RANBP3L: variants seen among roughly 807,000 people sequenced by gnomAD.
RANBP3L encodes ran-binding protein 3-like.
A neutral mutation model predicts 67.2 loss-of-function variants in RANBP3L; 56 were observed. The ratio of observed to expected loss-of-function variants is 0.83; its 90% CI spans 0.67 to 1.04. The LOEUF (loss-of-function observed/expected upper bound fraction) is 1.04, where lower values mean the gene tolerates loss of function less well. RANBP3L is among the 50% of genes least tolerant of loss of function. The pLI is 0.00. For synonymous variants in RANBP3L, 164 were observed against 181.4 expected (o/e 0.90, Z 0.77); for missense variants, 496 against 535.5 (o/e 0.93, Z 0.73).
chr5:36,256,676 G>A, intron 10 of RANBP3L: 1 of 403,478 alleles, frequency 2.5e-6, no homozygotes, highest in East Asian at 3.6e-5. Flanking sequence ...TATTAAAGCA[G>A]GATACTTGGC....
chr5:36,279,438 C>T (rs1750822452), intron 1 of RANBP3L, among the ~76,000 whole-genome samples: 1 of 152,102 alleles, frequency 6.6e-6, no homozygotes, highest in Non-Finnish European at 1.5e-5. Flanking sequence ...CACAGCATGA[C>T]ATTACTAACT....
intron 1 of RANBP3L, among the ~76,000 whole-genome samples, chr5:36,272,127 GA>G (rs76755106): frequency 0.34 from 50,708 of 148,270 alleles, 9,326 homozygotes; most frequent in South Asian, 0.49. Context: ...TTCCTCATCT[GA>G]AAAAAAAAAA....
intron 11 of RANBP3L, among the ~76,000 whole-genome samples, chr5:36,254,048 C>T (rs543254091): frequency 2.6e-5 from 4 of 152,154 alleles, no homozygotes; most frequent in Non-Finnish European, 5.9e-5. Context: ...CTTTTAAGAA[C>T]TGATGGTCTG....
chr5:36,260,814 A>C lies in RANBP3L; in HGVS notation c.635T>G (p.Phe212Cys). The part of the protein sequence containing the change: ...KCSFKSCSSN[F>C]VFGENMVERV... ...TTCTACCATGTTTTCTCCAAAAACAAAATTGGAACTGCAGCTTTTAAAAGA... is the reference window on the plus strand; with the variant it reads ...TTCTACCATGTTTTCTCCAAAAACACAATTGGAACTGCAGCTTTTAAAAGA... Residue 212 changes from phenylalanine (F) to cysteine (C), a missense_variant, in exon 8 of 14, where the codon TTT becomes TGT. Physicochemically the swap from Phe to Cys is radical, Grantham distance 205 (BLOSUM62 -2). Coordinates refer to ENST00000296604, the MANE Select transcript of RANBP3L (RefSeq NM_145000.5). 6.4e-7 allele frequency: 1 copy of C among 1,566,220 alleles called. No individual in the cohort carries two copies. The highest frequency in any genetic ancestry group is 1.4e-5 in the African/African-American group (1 of 73,894).
At position 36,271,102 on chromosome 5, in the gene RANBP3L, T is replaced by C. The variant is rs539317998; in HGVS notation, c.150+151A>G. 7.4e-5 allele frequency: 45 copies of C among 608,836 alleles called. 1 individual carries two copies. The African/African-American group carries it at 7.8e-4, about 11-fold the overall frequency. The allele number at this position is 608,836 out of a possible 1,614,324, so 37.7% of individuals were successfully genotyped here. ...TTCCAGCCAAACTGAAGTTTGTAAA[T>C]CCTGACTATATAAATAATCTGGAGG... On this transcript the variant is annotated intron_variant, in intron 2 of 13. Coordinates refer to ENST00000296604, the MANE Select transcript of RANBP3L (RefSeq NM_145000.5).
intron 1 of RANBP3L, among the ~76,000 whole-genome samples, chr5:36,295,849 CA>C (rs1752175996): frequency 6.6e-6 from 1 of 151,958 alleles, no homozygotes; most frequent in Admixed American, 6.6e-5. Context: ...GCTGTCACAT[CA>C]AAAAGCCCAA....
At chr5:36,285,292 C>G (rs1308264491) in intron 1 of RANBP3L, among the ~76,000 whole-genome samples, 1 of 152,148 alleles carries the variant, frequency 6.6e-6, no homozygotes, top group Non-Finnish European at 1.5e-5. Context: ...CTCAGAATCT[C>G]AGTTTTGAAA....
intron 12 of RANBP3L, among the ~76,000 whole-genome samples, chr5:36,252,440 C>T (rs897548144): frequency 7.2e-5 from 11 of 152,078 alleles, no homozygotes; most frequent in Admixed American, 1.3e-4. Flanking sequence ...TTAATCTCAG[C>T]AGCTTTTCTA....
chr5:36,270,651 T>A (rs1750139554), intron 2 of RANBP3L, among the ~76,000 whole-genome samples: 1 of 152,252 alleles, frequency 6.6e-6, no homozygotes, highest in East Asian at 1.9e-4. Flanking sequence ...CATGCCACCA[T>A]GCCTGACTAA....
intron 1 of RANBP3L, among the ~76,000 whole-genome samples, chr5:36,281,560 C>A (rs900270446): frequency 6.6e-6 from 1 of 152,092 alleles, no homozygotes; most frequent in Admixed American, 6.6e-5. Flanking sequence ...AGGTGACATG[C>A]CTGGGCTATG....
chr5:36,284,924 G>T (rs1751219948), intron 1 of RANBP3L, among the ~76,000 whole-genome samples: 1 of 152,138 alleles, frequency 6.6e-6, no homozygotes, highest in Non-Finnish European at 1.5e-5. Flanking sequence ...GAGTTTAAGG[G>T]CCAGCCATCA....
At chr5:36,255,661 G>T in intron 10 of RANBP3L, 71 bp from the exon 11 acceptor site, 1 of 1,109,584 alleles carries the variant, frequency 9.0e-7, no homozygotes, top group Non-Finnish European at 1.3e-6. Flanking sequence ...CCTATGTTAT[G>T]ACACGTTTAT....
rs191646830 is a variant in RANBP3L at position 36,252,503 on chromosome 5, C to T, written c.1168-1004G>A. On this transcript the variant is annotated intron_variant, in intron 12 of 13. Transcript: ENST00000296604. The stretch of plus-strand genomic sequence containing the variant: ...ATGTACTATTGTTACCATCATTTTG[C>T]AGATGAATAAAATCAGTTTAAAGAA... Among the ~76,000 whole-genome samples the T allele has an allele frequency of 2.2e-4, 34 of 152,146 alleles. 1 individual carries two copies. The highest frequency in any genetic ancestry group is 7.5e-4 in the African/African-American group (31 of 41,526).
intron 1 of RANBP3L, among the ~76,000 whole-genome samples, chr5:36,290,720 C>A (rs1751674496): frequency 1.4e-5 from 2 of 138,150 alleles, no homozygotes; most frequent in Non-Finnish European, 3.0e-5. Flanking sequence ...CCTTGGACAA[C>A]CATGGCTTTT....
In RANBP3L at chr5:36,298,924, A is replaced by G. The variant is rs111260144; in HGVS notation, c.91+2402T>C. On this transcript the variant is annotated intron_variant, in intron 1 of 13. Transcript: ENST00000296604. ...GTGTGATGGTTCATGCTGAGTGTCA[A>G]CTTGATTGGATTGAAGGATACAAAG... Among the ~76,000 whole-genome samples the G allele has an allele frequency of 5.7e-3, 873 of 152,264 alleles. 6 individuals carry two copies. The highest frequency in any genetic ancestry group is 0.024 in the Middle Eastern group (7 of 294).
intron 4 of RANBP3L, chr5:36,268,178 G>A: frequency 6.7e-7 from 1 of 1,498,798 alleles, no homozygotes; most frequent in Non-Finnish European, 9.0e-7. Flanking sequence ...TGAGGTTCTA[G>A]AAACTCTTTA....
chr5:36,297,931 C>A (rs1025684632), intron 1 of RANBP3L, among the ~76,000 whole-genome samples: 1 of 152,078 alleles, frequency 6.6e-6, no homozygotes, highest in African/African-American at 2.4e-5. Flanking sequence ...GTAATCACTT[C>A]AAAATTACAC....
At chr5:36,265,214 G>T in intron 5 of RANBP3L, 116 bp from the exon 6 acceptor site, 1 of 731,560 alleles carries the variant, frequency 1.4e-6, no homozygotes, top group Non-Finnish European at 2.1e-6. Context: ...AGGGACTAGC[G>T]TTAATTAATC....
chr5:36,298,532 T>C (rs549693792), intron 1 of RANBP3L, among the ~76,000 whole-genome samples: 1 of 152,130 alleles, frequency 6.6e-6, no homozygotes, highest in East Asian at 1.9e-4. Context: ...GAACTTCACA[T>C]AATAGCAAGG....
Sources: gnomAD v4.1 joint callset for allele counts (sites outside exome capture counted in the v4.1 genomes callset) on GRCh38, gnomAD v4.1.1 for gene constraint, MANE v1.5 for transcripts, NCBI Gene and HGNC (gene_info 2026-07-23, HGNC 2026-07-21) for gene names.